Variants in ASTN2 observed in about 807,000 individuals in gnomAD.
The protein encoded by ASTN2 is astrotactin 2, also known as astrotactin-2.
A neutral mutation model predicts 139.8 loss-of-function variants in ASTN2; 54 were observed. The ratio of observed to expected loss-of-function variants is 0.39; its 90% CI spans 0.31 to 0.48. The LOEUF is 0.48. ASTN2 is among the 20% of genes least tolerant of loss of function. The probability of loss-of-function intolerance (pLI) is 0.95; values close to 1 mark genes in which losing one functional copy is unlikely to be tolerated. For synonymous variants in ASTN2, 756 were observed against 719.5 expected (o/e 1.05, Z -0.81); for missense variants, 1,565 against 1,725.1 (o/e 0.91, Z 1.64).
At position 117,228,522 on chromosome 9, in the gene ASTN2, CT is replaced by C. The variant is rs529400495; in HGVS notation, c.631-13781del. On this transcript the variant is annotated intron_variant, in intron 2 of 22. Transcript: ENST00000313400. ...AAGAAAACCCCTGGAAAGTTAGTTA[CT>C]AGGGGCAGAGAGTCAAGCATAAGAT... is the stretch of plus-strand genomic sequence containing the variant. Among the ~76,000 whole-genome samples the C allele has an allele frequency of 2.6e-3, 390 of 152,084 alleles. 2 individuals are homozygous for C. Among genetic ancestry groups the C allele is most frequent in the Middle Eastern group, 0.01 (3 of 292 alleles).
intron 4 of ASTN2, among the ~76,000 whole-genome samples, chr9:117,116,137 A>C (rs571332204): frequency 2.0e-5 from 3 of 152,234 alleles, no homozygotes; most frequent in African/African-American, 7.2e-5. Flanking sequence ...AGGCTACAGC[A>C]TAGGCTAATG....
At chr9:117,368,535 T>C (rs182178866) in intron 1 of ASTN2, among the ~76,000 whole-genome samples, 47 of 152,270 alleles carry the variant, frequency 3.1e-4, no homozygotes, top group Admixed American at 2.7e-3. Context: ...CCTTCTTAAT[T>C]TTTGCAATGT....
At chr9:116,889,405 C>T (rs900962731) in intron 10 of ASTN2, among the ~76,000 whole-genome samples, 1 of 152,138 alleles carries the variant, frequency 6.6e-6, no homozygotes, top group Non-Finnish European at 1.5e-5. Flanking sequence ...CCCTTCAACA[C>T]AGGCACAGCA....
rs980091151 is a variant in ASTN2 at position 117,165,788 on chromosome 9, T to G, written c.1016-24310A>C. Among the ~76,000 whole-genome samples, 5 of 152,170 alleles carry G rather than the reference T, an allele frequency of 3.3e-5. No individual in the cohort carries two copies. The East Asian group carries it at 9.7e-4, about 30-fold the overall frequency. ...TCTTAAACTCTACTGTCCATGTCTA[T>G]CAAAATGAAATAATACCACCTCCCT... On this transcript the variant is annotated intron_variant, in intron 3 of 22. Coordinates refer to ENST00000313400, the MANE Select transcript of ASTN2 (RefSeq NM_001365068.1).
chr9:116,697,381 T>C (rs1026910047), intron 16 of ASTN2: 2 of 299,748 alleles, frequency 6.7e-6, no homozygotes, highest in Admixed American at 9.0e-5. Context: ...AGATGAGTGA[T>C]GGGGAAAGAG....
At chr9:117,095,514 G>A (rs766213968) in intron 5 of ASTN2, among the ~76,000 whole-genome samples, 17 of 152,156 alleles carry the variant, frequency 1.1e-4, no homozygotes, top group Non-Finnish European at 1.6e-4. Flanking sequence ...ATACCAAGTT[G>A]AGGACTTTAC....
In ASTN2 at chr9:116,954,728, TTTCCAGATCATTTAGC is replaced by T. The variant is rs1396891012; in HGVS notation, c.1889+20464_1889+20479del. ...TATAGTTGGCAAACATCTGAGAGAG[TTTCCAGATCATTTAGC>T]TTCCATCAGCCTCATTGTCTTTTCA... On this transcript the variant is annotated intron_variant, in intron 10 of 22. Coordinates refer to ENST00000313400, the MANE Select transcript of ASTN2 (RefSeq NM_001365068.1). 3.3e-5 allele frequency among the ~76,000 whole-genome samples: 5 copies of T among 151,596 alleles called. 1 individual carries two copies. The highest frequency in any genetic ancestry group is 1.3e-4 in the Admixed American group (2 of 15,220).
At chr9:116,664,701 A>G (rs1005839732) in intron 16 of ASTN2, among the ~76,000 whole-genome samples, 2 of 151,812 alleles carry the variant, frequency 1.3e-5, no homozygotes. Flanking sequence ...CTAACTCTAC[A>G]TCAGTGTTGA....
chr9:117,410,445 C>A (rs1831129065), intron 1 of ASTN2, among the ~76,000 whole-genome samples: 1 of 152,128 alleles, frequency 6.6e-6, no homozygotes, highest in Admixed American at 6.5e-5. Context: ...GCAAGAGGAG[C>A]TATCAGAGTC....
At chr9:116,655,460 G>C (rs971279765) in intron 16 of ASTN2, among the ~76,000 whole-genome samples, 2 of 152,176 alleles carry the variant, frequency 1.3e-5, no homozygotes, top group Non-Finnish European at 2.9e-5. Context: ...TCTCTAGTTG[G>C]ATCTCTTATT....
chr9:116,439,416 G>A (rs942453081), intron 22 of ASTN2, among the ~76,000 whole-genome samples: 2 of 139,684 alleles, frequency 1.4e-5, no homozygotes, highest in African/African-American at 6.0e-5. Flanking sequence ...TAGCCGGGAT[G>A]GTCTCGATCT....
chr9:116,728,842 C>T (rs2132120650), intron 15 of ASTN2, 150 bp downstream of exon 15: 1 of 639,054 alleles, frequency 1.6e-6, no homozygotes, highest in East Asian at 2.8e-5. Flanking sequence ...TGTCCACCCA[C>T]CCTCCCTAGG....
chr9:116,658,219 G>A (rs574531928), intron 16 of ASTN2, among the ~76,000 whole-genome samples: 212 of 152,258 alleles, frequency 1.4e-3, no homozygotes, highest in African/African-American at 4.8e-3. Context: ...GGAACCCTCA[G>A]GAGTGCCACT....
chr9:117,129,301 CAT>C lies in ASTN2; in HGVS notation c.1168+12023_1168+12024del, dbSNP rs372320804. On this transcript the variant is annotated intron_variant, in intron 4 of 22. Transcript: ENST00000313400. ...CCGTTCCTCAAAAAACAAACAAAAA[CAT>C]AAAATCTGCACATGAATTGCTTCTC... Among the ~76,000 whole-genome samples, 984 of 152,200 alleles carry C rather than the reference CAT, an allele frequency of 6.5e-3. 10 individuals are homozygous for C. Among genetic ancestry groups the C allele is most frequent in the African/African-American group, 0.022 (928 of 41,532 alleles).
chr9:116,509,022 A>G (rs910366376), intron 19 of ASTN2, among the ~76,000 whole-genome samples: 1 of 152,062 alleles, frequency 6.6e-6, no homozygotes, highest in South Asian at 2.1e-4. Context: ...TATATTTTTA[A>G]CTATAATTTA....
At chr9:116,696,516 C>G (rs1456031874) in intron 16 of ASTN2, among the ~76,000 whole-genome samples, 1 of 152,108 alleles carries the variant, frequency 6.6e-6, no homozygotes, top group African/African-American at 2.4e-5. Flanking sequence ...GTGCCTTTTG[C>G]CCACTTCTTT....
chr9:116,777,677 T>C (rs991022467), intron 13 of ASTN2, among the ~76,000 whole-genome samples: 7 of 152,092 alleles, frequency 4.6e-5, no homozygotes, highest in African/African-American at 1.7e-4. Context: ...AACTCCCAGG[T>C]GATGCTGATG....
At chr9:117,119,648 T>G (rs1829490437) in intron 4 of ASTN2, among the ~76,000 whole-genome samples, 1 of 152,166 alleles carries the variant, frequency 6.6e-6, no homozygotes, top group Non-Finnish European at 1.5e-5. Flanking sequence ...AACAAATTAT[T>G]AAACCTCTCT....
At chr9:116,726,068 G>T in intron 15 of ASTN2, 118 bp from the exon 16 acceptor site, 1 of 920,310 alleles carries the variant, frequency 1.1e-6, no homozygotes, top group Non-Finnish European at 1.6e-6. Context: ...TCAGCACAGT[G>T]GCAGCTTGGT....
Sources: gnomAD v4.1 joint callset for allele counts (sites outside exome capture counted in the v4.1 genomes callset) on GRCh38, gnomAD v4.1.1 for gene constraint, MANE v1.5 for transcripts, NCBI Gene and HGNC (gene_info 2026-07-23, HGNC 2026-07-21) for gene names.